Variants in RORA observed in about 807,000 individuals in gnomAD.
The protein encoded by RORA is RAR related orphan receptor A.
In RORA, 7 loss-of-function variants were observed where a neutral mutation model predicts 69.5. The ratio of observed to expected loss-of-function variants is 0.10; its 90% CI spans 0.06 to 0.19. The LOEUF (loss-of-function observed/expected upper bound fraction) is 0.19, where lower values mean the gene tolerates loss of function less well. RORA is among the 10% of genes least tolerant of loss of function. The probability of loss-of-function intolerance (pLI) is 1.00; values close to 1 mark genes in which losing one functional copy is unlikely to be tolerated. For missense variants in RORA, 457 were observed against 663.0 expected, an observed-to-expected ratio of 0.69 and a Z score of 3.41; for synonymous variants, 261 against 240.8, an observed-to-expected ratio of 1.08 and a Z score of -0.78.
intron 1 of RORA, among the ~76,000 whole-genome samples, chr15:60,934,014 C>G (rs1440468747): frequency 6.6e-6 from 1 of 152,242 alleles, no homozygotes; most frequent in East Asian, 1.9e-4. Context: ...GGTAAAGAAA[C>G]ACCTACTTAG....
chr15:60,568,417 T>C (rs1382707094), intron 2 of RORA, among the ~76,000 whole-genome samples: 1 of 152,242 alleles, frequency 6.6e-6, no homozygotes, highest in Non-Finnish European at 1.5e-5. Flanking sequence ...CTACTGCTGA[T>C]GTAGTTAAGG....
intron 2 of RORA, among the ~76,000 whole-genome samples, chr15:60,666,115 A>G (rs567601651): frequency 6.6e-6 from 1 of 152,164 alleles, no homozygotes; most frequent in African/African-American, 2.4e-5. Context: ...GTATTAATTG[A>G]GCACATAGTA....
intron 1 of RORA, among the ~76,000 whole-genome samples, chr15:60,901,055 T>C (rs1484787464): frequency 6.6e-6 from 1 of 152,186 alleles, no homozygotes; most frequent in Non-Finnish European, 1.5e-5. Context: ...GTATTGAAAT[T>C]ATGCCTATAT....
At chr15:61,169,216 C>T (rs958786189) in intron 1 of RORA, among the ~76,000 whole-genome samples, 11 of 151,896 alleles carry the variant, frequency 7.2e-5, no homozygotes, top group African/African-American at 2.4e-4. Context: ...AGCCTCCCTT[C>T]GCCTTAACCC....
At chr15:60,923,175 C>T (rs1284981662) in intron 1 of RORA, among the ~76,000 whole-genome samples, 5 of 152,136 alleles carry the variant, frequency 3.3e-5, no homozygotes, top group African/African-American at 4.8e-5. Context: ...GAACAAAGGC[C>T]GGATCACATG....
chr15:61,199,646 A>C (rs1217804339), intron 1 of RORA, among the ~76,000 whole-genome samples: 1 of 152,226 alleles, frequency 6.6e-6, no homozygotes, highest in African/African-American at 2.4e-5. Context: ...AGTCACACAG[A>C]TAGAAGGTGA....
chr15:61,060,487 G>T (rs1259471257), intron 1 of RORA, among the ~76,000 whole-genome samples: 1 of 152,120 alleles, frequency 6.6e-6, no homozygotes, highest in African/African-American at 2.4e-5. Flanking sequence ...GGGGTCGGGG[G>T]CAAGGGTGAC....
chr15:60,912,784 C>G (rs1891768465), intron 1 of RORA, among the ~76,000 whole-genome samples: 1 of 107,922 alleles, frequency 9.3e-6, no homozygotes, highest in South Asian at 2.7e-4. Flanking sequence ...CAAAACAAAA[C>G]AAAACACAAC....
intron 2 of RORA, among the ~76,000 whole-genome samples, chr15:60,664,110 G>A (rs908466038): frequency 2.6e-5 from 4 of 152,178 alleles, no homozygotes; most frequent in African/African-American, 9.7e-5. Flanking sequence ...CTGTCCCTGA[G>A]TGGCTCCCCT....
chr15:61,181,631 T>C (rs967362933), intron 1 of RORA, among the ~76,000 whole-genome samples: 6 of 135,864 alleles, frequency 4.4e-5, no homozygotes, highest in African/African-American at 1.7e-4. Context: ...ACAAGCATTG[T>C]CATTAGCAGA....
Position 61,229,225 on chromosome 15 carries a change from TC to T in RORA, c.-8del. 6.8e-7 allele frequency: 1 copy of T among 1,479,064 alleles called. No individual in the cohort carries two copies. The highest frequency in any genetic ancestry group is 9.0e-7 in the Non-Finnish European group (1 of 1,116,116). 91.6% of individuals were successfully genotyped at this position (1,479,064 alleles called of 1,614,324 possible). A position where few individuals can be genotyped will look rare whatever the true frequency, so the allele number is the denominator to read the frequency against. ...CTGCCGGAGCTGACTCCATGTTTTT[TC>T]CCAATGTAGAGATCGCTGGAGATGG... On this transcript the variant is annotated 5_prime_UTR_variant, in exon 1 of 11. Coordinates refer to ENST00000335670, the MANE Select transcript of RORA (RefSeq NM_134261.3).
At chr15:60,500,111 G>C (rs2065285294) in intron 9 of RORA, 107 bp from the exon 10 acceptor site, 2 of 668,352 alleles carry the variant, frequency 3.0e-6, no homozygotes, top group Admixed American at 3.1e-5. Flanking sequence ...TGAATATTTA[G>C]AGACTCAGAG....
intron 2 of RORA, among the ~76,000 whole-genome samples, chr15:60,579,335 T>A (rs778632672): frequency 2.0e-5 from 3 of 152,204 alleles, no homozygotes; most frequent in Non-Finnish European, 4.4e-5. Flanking sequence ...TGAAGACCAC[T>A]ACTGTAGAGG....
intron 1 of RORA, among the ~76,000 whole-genome samples, chr15:60,679,620 A>G (rs2070611508): frequency 1.3e-5 from 2 of 152,054 alleles, no homozygotes; most frequent in African/African-American, 4.8e-5. Context: ...TTTTCTTTCA[A>G]GTTATTAAGG....
At chr15:60,702,398 A>C (rs142125594) in intron 1 of RORA, among the ~76,000 whole-genome samples, 1 of 151,548 alleles carries the variant, frequency 6.6e-6, no homozygotes, top group Non-Finnish European at 1.5e-5. Context: ...TGCCTGGCTA[A>C]TTTTTGTATT....
intron 1 of RORA, among the ~76,000 whole-genome samples, chr15:61,180,042 G>A (rs553336563): frequency 5.3e-5 from 8 of 150,846 alleles, no homozygotes; most frequent in Admixed American, 5.3e-4. Context: ...TACCGAGGAG[G>A]CTGTGGCACG....
chr15:60,498,060 T>TA (rs1006109239), intron 10 of RORA, among the ~76,000 whole-genome samples: 7 of 151,856 alleles, frequency 4.6e-5, no homozygotes, highest in East Asian at 3.9e-4. Flanking sequence ...CTCTGTCTCT[T>TA]AAAAAAAATA....
intron 1 of RORA, among the ~76,000 whole-genome samples, chr15:61,008,279 T>A (rs990008033): frequency 6.6e-6 from 1 of 151,488 alleles, no homozygotes; most frequent in Non-Finnish European, 1.5e-5. Flanking sequence ...ACCCACTGTC[T>A]AATGCATCTC....
At chr15:60,990,971 T>C (rs1894359236) in intron 1 of RORA, among the ~76,000 whole-genome samples, 1 of 152,228 alleles carries the variant, frequency 6.6e-6, no homozygotes, top group Non-Finnish European at 1.5e-5. Context: ...AATCTTTATC[T>C]ATATGTCATG....
Sources: gnomAD v4.1 joint callset for allele counts (sites outside exome capture counted in the v4.1 genomes callset) on GRCh38, gnomAD v4.1.1 for gene constraint, MANE v1.5 for transcripts, NCBI Gene and HGNC (gene_info 2026-07-23, HGNC 2026-07-21) for gene names.